ITIH5: variants seen among roughly 807,000 people sequenced by gnomAD.
The protein encoded by ITIH5 is inter-alpha-trypsin inhibitor heavy chain H5.
In ITIH5, 65 loss-of-function variants were observed where a neutral mutation model predicts 77.5. The observed-to-expected ratio is 0.84, with a 90% confidence interval of 0.69 to 1.03. The LOEUF is 1.03. Among genes scored for constraint, ITIH5 ranks in the 50% least tolerant of loss-of-function variants. The pLI is 0.00. For synonymous variants in ITIH5, 525 were observed against 494.3 expected (o/e 1.06, Z -0.82); for missense variants, 1,208 against 1,213.1 (o/e 1.00, Z 0.06).
intron 2 of ITIH5, among the ~76,000 whole-genome samples, chr10:7,647,886 G>T (rs1313405016): frequency 6.6e-6 from 1 of 152,074 alleles, no homozygotes; most frequent in African/African-American, 2.4e-5. Flanking sequence ...AGATCACACA[G>T]GTAAAAGGTA....
intron 1 of ITIH5, among the ~76,000 whole-genome samples, chr10:7,662,927 CA>C (rs1208896269): frequency 6.6e-6 from 1 of 151,874 alleles, no homozygotes; most frequent in African/African-American, 2.4e-5. Flanking sequence ...CCCCCAAATG[CA>C]AAAATTTGCT....
Position 7,655,618 on chromosome 10 carries a change from T to C in ITIH5, c.135+13A>G, listed in dbSNP as rs1353470221. On this transcript the variant is annotated intron_variant, in intron 2 of 13. Transcript: ENST00000397146. ...GGGAATGGACTTTCAAGATGCACCA[T>C]GAATATACCTACCAGCCTCTGCAAC... The C allele has an allele frequency of 1.2e-6, 2 of 1,605,678 alleles. No individual in the cohort carries two copies. The highest frequency in any genetic ancestry group is 1.1e-5 in the South Asian group (1 of 90,884).
intron 2 of ITIH5, among the ~76,000 whole-genome samples, chr10:7,648,127 C>A (rs1834035217): frequency 6.6e-6 from 1 of 151,582 alleles, no homozygotes; most frequent in Non-Finnish European, 1.5e-5. Flanking sequence ...GTGGCGGGCA[C>A]CAGCTACTCA....
At chr10:7,571,666 C>T (rs1166078601) in intron 11 of ITIH5, 1 of 152,282 alleles carries the variant, frequency 6.6e-6, no homozygotes, top group Non-Finnish European at 1.5e-5. Flanking sequence ...ATCCACCTGC[C>T]TCGGCCTCTC....
intron 5 of ITIH5, among the ~76,000 whole-genome samples, chr10:7,627,630 A>G (rs1833605792): frequency 6.6e-6 from 1 of 152,210 alleles, no homozygotes; most frequent in Admixed American, 6.5e-5. Context: ...ATGATTAAAA[A>G]GCAAGCCATA....
At chr10:7,600,924 G>A (rs12258902) in intron 7 of ITIH5, among the ~76,000 whole-genome samples, 15,106 of 152,224 alleles carry the variant, frequency 0.099, 934 homozygotes, top group African/African-American at 0.18. Context: ...GCATCTTGAT[G>A]TTGGACTTTC....
chr10:7,583,328 CTTTCT>C (rs1446468700), intron 8 of ITIH5, among the ~76,000 whole-genome samples: 11 of 152,212 alleles, frequency 7.2e-5, no homozygotes, highest in Admixed American at 5.2e-4. Context: ...ACTAATTTGC[CTTTCT>C]TTTGTTTGTT....
chr10:7,581,459 T>C (rs913623312), intron 8 of ITIH5, among the ~76,000 whole-genome samples: 2 of 152,094 alleles, frequency 1.3e-5, no homozygotes, highest in African/African-American at 4.8e-5. Flanking sequence ...GGTTTTTCTC[T>C]CCTTTTTTTC....
intron 2 of ITIH5, among the ~76,000 whole-genome samples, chr10:7,649,438 A>G (rs1834059749): frequency 6.6e-6 from 1 of 152,078 alleles, no homozygotes; most frequent in African/African-American, 2.4e-5. Context: ...AACTATATAT[A>G]TATATGAAAT....
intron 1 of ITIH5, among the ~76,000 whole-genome samples, chr10:7,666,220 GA>G (rs758233828): frequency 2.6e-5 from 4 of 152,054 alleles, no homozygotes; most frequent in Non-Finnish European, 5.9e-5. Context: ...GCGAGGTTAA[GA>G]CATTTGAAAC....
intron 1 of ITIH5, among the ~76,000 whole-genome samples, chr10:7,658,187 C>A (rs1564284135): frequency 6.6e-6 from 1 of 152,328 alleles, no homozygotes; most frequent in East Asian, 1.9e-4. Flanking sequence ...TGATTGACAT[C>A]TTGTTCTTTA....
At chr10:7,643,743 T>A (rs1282360260) in intron 2 of ITIH5, among the ~76,000 whole-genome samples, 1 of 152,252 alleles carries the variant, frequency 6.6e-6, no homozygotes, top group Non-Finnish European at 1.5e-5. Context: ...GATATAAGGT[T>A]GCGACCTATT....
intron 5 of ITIH5, among the ~76,000 whole-genome samples, chr10:7,625,645 A>G (rs1833564608): frequency 1.3e-5 from 2 of 151,728 alleles, no homozygotes; most frequent in Non-Finnish European, 2.9e-5. Context: ...TGAGCTTGTA[A>G]CCCCAGCTAC....
rs183886613 is a variant in ITIH5, at chr10:7,653,319, G to A, written c.135+2312C>T. The stretch of plus-strand genomic sequence containing the variant: ...CCTCCTGGGTTCAAGCAATCCTCCC[G>A]CCTCAGCCTCCCGAGTAGCTGGGAT... On this transcript the variant is annotated intron_variant, in intron 2 of 13. Coordinates refer to ENST00000397146, the MANE Select transcript of ITIH5 (RefSeq NM_030569.7). Among the ~76,000 whole-genome samples, 38 of 152,126 alleles carry A rather than the reference G, an allele frequency of 2.5e-4. No individual in the cohort carries two copies. In the East Asian group the frequency reaches 3.7e-3, roughly 15 times the overall value.
At position 7,640,857 on chromosome 10, in the gene ITIH5, T is replaced by G. The variant is rs758233069; in HGVS notation, c.300-2A>C. On this transcript the variant is annotated splice_acceptor_variant, in intron 3 of 13. Transcript: ENST00000397146. LOFTEE classifies it high-confidence loss of function. The stretch of plus-strand genomic sequence containing the variant: ...TGATACACCTTGTCTCCAATAAGCC[T>G]GAAATACAAGAGACAGTTGTGCTAC... 1.9e-6 allele frequency: 3 copies of G among 1,599,100 alleles called. No homozygotes were observed. In the African/African-American group the frequency reaches 4.0e-5, roughly 21 times the overall value.
chr10:7,600,671 G>A (rs1832996367), intron 7 of ITIH5: 1 of 433,588 alleles, frequency 2.3e-6, no homozygotes, highest in Admixed American at 2.5e-5. Flanking sequence ...GGTACACAAG[G>A]GACAGTTTGG....
At chr10:7,570,862 TC>T (rs1331791243) in intron 11 of ITIH5, among the ~76,000 whole-genome samples, 2 of 152,192 alleles carry the variant, frequency 1.3e-5, no homozygotes, top group East Asian at 3.9e-4. Context: ...GCTCAAGCAT[TC>T]CACCCACCTC....
At chr10:7,655,747 C>A in intron 1 of ITIH5, 72 bp from the exon 2 acceptor site, 2 of 1,134,498 alleles carry the variant, frequency 1.8e-6, no homozygotes, top group South Asian at 1.2e-5. Context: ...ATTGTGAGGT[C>A]ATTCTCACAT....
At chr10:7,579,296 C>T (rs183846340) in intron 9 of ITIH5, among the ~76,000 whole-genome samples, 8 of 152,164 alleles carry the variant, frequency 5.3e-5, no homozygotes, top group African/African-American at 1.4e-4. Flanking sequence ...GAGGCCAAGG[C>T]GGGCAGATCA....
Sources: allele counts gnomAD v4.1 joint callset (sites outside exome capture counted in the v4.1 genomes callset), GRCh38; gene constraint gnomAD v4.1.1; transcripts MANE v1.5; gene names NCBI Gene and HGNC (gene_info 2026-07-23, HGNC 2026-07-21).